Variants in SYT16 observed in about 807,000 individuals in gnomAD.
SYT16 encodes the protein synaptotagmin-16.
In SYT16, 42 loss-of-function variants were observed where a neutral mutation model predicts 61.4. That is an observed-to-expected ratio of 0.68 (90% confidence interval 0.53 to 0.89). SYT16 has a LOEUF of 0.89. Among genes scored for constraint, SYT16 ranks in the 40% least tolerant of loss-of-function variants. The pLI is 0.00. For missense variants in SYT16, 804 were observed against 807.3 expected, an observed-to-expected ratio of 1.00 and a Z score of 0.05; for synonymous variants, 314 against 302.3, an observed-to-expected ratio of 1.04 and a Z score of -0.40.
intron 3 of SYT16, among the ~76,000 whole-genome samples, chr14:62,039,201 A>G (rs2140840046): frequency 6.6e-6 from 1 of 152,342 alleles, no homozygotes; most frequent in African/African-American, 2.4e-5. Context: ...TAATGCTTTC[A>G]GTGTGCTAAC....
At chr14:61,995,101 T>C (rs1401738340) in intron 2 of SYT16, among the ~76,000 whole-genome samples, 2 of 152,142 alleles carry the variant, frequency 1.3e-5, no homozygotes, top group Non-Finnish European at 2.9e-5. Flanking sequence ...TATGCACATA[T>C]ACATGTAAAA....
In SYT16 at chr14:61,820,054, T is replaced by G. The variant is rs935863781; in HGVS notation, c.-325+7244T>G. 2.6e-5 allele frequency among the ~76,000 whole-genome samples: 4 copies of G among 152,234 alleles called. No homozygotes were observed. The East Asian group carries it at 7.7e-4, about 29-fold the overall frequency. ...GGTGCCTAGTCATTGATTCCATTTT[T>G]TGTGTGTGAGGAATATAAAATTAAG... On this transcript the variant is annotated intron_variant, in intron 1 of 7. Transcript: ENST00000683842.
chr14:61,927,171 G>A (rs2049572677), intron 1 of SYT16, among the ~76,000 whole-genome samples: 1 of 152,140 alleles, frequency 6.6e-6, no homozygotes, highest in East Asian at 1.9e-4. Context: ...TTTAGCTTCT[G>A]TGACCCTCTT....
chr14:62,088,882 A>G (rs2056974973), intron 7 of SYT16, among the ~76,000 whole-genome samples: 1 of 152,134 alleles, frequency 6.6e-6, no homozygotes, highest in African/African-American at 2.4e-5. Flanking sequence ...GGTATGAAGT[A>G]GATAAGCTGG....
At chr14:62,094,460 C>T (rs563256719) in intron 7 of SYT16, among the ~76,000 whole-genome samples, 1 of 152,146 alleles carries the variant, frequency 6.6e-6, no homozygotes, top group South Asian at 2.1e-4. Context: ...GCAACAAACT[C>T]ATTAGGCACA....
At chr14:61,997,518 G>A (rs1487350406) in intron 3 of SYT16, among the ~76,000 whole-genome samples, 1 of 151,972 alleles carries the variant, frequency 6.6e-6, no homozygotes, top group Non-Finnish European at 1.5e-5. Context: ...TGAAGTCTTG[G>A]CATATAAAGA....
chr14:61,853,643 A>T (rs1296280126), intron 1 of SYT16, among the ~76,000 whole-genome samples: 2 of 152,098 alleles, frequency 1.3e-5, no homozygotes, highest in African/African-American at 4.8e-5. Context: ...AACTTTCCAG[A>T]CTCCATAACT....
chr14:61,838,490 G>A (rs2046201182), intron 1 of SYT16, among the ~76,000 whole-genome samples: 1 of 152,136 alleles, frequency 6.6e-6, no homozygotes, highest in Non-Finnish European at 1.5e-5. Context: ...TGGCTTTCTG[G>A]AAGAGCTCCC....
At chr14:61,916,356 A>G (rs1000416516) in intron 1 of SYT16, among the ~76,000 whole-genome samples, 1 of 152,086 alleles carries the variant, frequency 6.6e-6, no homozygotes, top group Non-Finnish European at 1.5e-5. Flanking sequence ...TCACAAATGC[A>G]TTGTATGTGC....
chr14:61,929,730 T>C (rs2140423056), intron 1 of SYT16, among the ~76,000 whole-genome samples: 1 of 152,332 alleles, frequency 6.6e-6, no homozygotes, highest in East Asian at 1.9e-4. Context: ...TCTCTACGCA[T>C]GTTTCTAAAA....
chr14:62,069,087 C>T (rs985016275), intron 3 of SYT16, among the ~76,000 whole-genome samples: 9 of 152,136 alleles, frequency 5.9e-5, no homozygotes, highest in Non-Finnish European at 1.0e-4. Flanking sequence ...TGAGCCACTG[C>T]GTCTGGTGGG....
intron 2 of SYT16, among the ~76,000 whole-genome samples, chr14:61,989,923 G>A (rs999651570): frequency 1.3e-5 from 2 of 152,126 alleles, no homozygotes; most frequent in Non-Finnish European, 2.9e-5. Context: ...CTCATGCCCC[G>A]GCAGTGACAA....
chr14:62,104,208 A>C lies in SYT16; in HGVS notation c.*3501A>C, dbSNP rs2057473195. On this transcript the variant is annotated 3_prime_UTR_variant, in exon 8 of 8. Coordinates refer to ENST00000683842, the MANE Select transcript of SYT16 (RefSeq NM_001367656.1). ...AAAAAACTGGTTATCCTTTTGCAGC[A>C]GAGGACTTAGTATTTTAAAAACAGA... 6.6e-6 allele frequency: 1 copy of C among 152,230 alleles called. No homozygotes were observed. The highest frequency in any genetic ancestry group is 2.4e-5 in the African/African-American group (1 of 41,466). The allele number at this position is 152,230 out of a possible 1,614,324, so 9.4% of individuals were successfully genotyped here.
intron 1 of SYT16, among the ~76,000 whole-genome samples, chr14:61,956,364 A>G (rs2050874520): frequency 6.6e-6 from 1 of 151,892 alleles, no homozygotes; most frequent in African/African-American, 2.4e-5. Flanking sequence ...CCTATCTAAG[A>G]ATTGATTTGC....
At chr14:62,093,237 C>A (rs904143364) in intron 7 of SYT16, among the ~76,000 whole-genome samples, 5 of 151,864 alleles carry the variant, frequency 3.3e-5, no homozygotes, top group African/African-American at 7.3e-5. Context: ...AAATTTTAAT[C>A]TTTTAAACCA....
intron 1 of SYT16, among the ~76,000 whole-genome samples, chr14:61,886,307 G>T (rs1321316612): frequency 6.6e-6 from 1 of 152,176 alleles, no homozygotes; most frequent in African/African-American, 2.4e-5. Flanking sequence ...GAAGTTTGCT[G>T]CATTGATTGA....
At chr14:61,909,980 C>A (rs2048864861) in intron 1 of SYT16, among the ~76,000 whole-genome samples, 1 of 152,156 alleles carries the variant, frequency 6.6e-6, no homozygotes, top group Admixed American at 6.5e-5. Context: ...CTTTTTAATA[C>A]AGAGGTTGTT....
At chr14:62,007,201 A>G (rs906632520) in intron 3 of SYT16, among the ~76,000 whole-genome samples, 2 of 152,178 alleles carry the variant, frequency 1.3e-5, no homozygotes, top group African/African-American at 2.4e-5. Flanking sequence ...TATCTTTTCT[A>G]CAGGATATAC....
intron 3 of SYT16, among the ~76,000 whole-genome samples, chr14:62,063,631 G>A (rs1450280793): frequency 6.6e-6 from 1 of 152,082 alleles, no homozygotes; most frequent in Non-Finnish European, 1.5e-5. Context: ...GCCAGTTTCT[G>A]TCATACTAAG....
Sources: allele counts gnomAD v4.1 joint callset (sites outside exome capture counted in the v4.1 genomes callset), GRCh38; gene constraint gnomAD v4.1.1; transcripts MANE v1.5; gene names NCBI Gene and HGNC (gene_info 2026-07-23, HGNC 2026-07-21).